Variants in SNTB2 observed in about 807,000 individuals in gnomAD.
The protein encoded by SNTB2 is syntrophin beta 2, also known as beta-2-syntrophin.
SNTB2 carries 34 observed loss-of-function variants against 46.2 expected under a neutral mutation model. That is an observed-to-expected ratio of 0.74 (90% CI 0.56 to 0.98). SNTB2 has a LOEUF of 0.98. SNTB2 is among the 50% of genes least tolerant of loss of function. The pLI, the probability that SNTB2 is intolerant of heterozygous loss-of-function variation, is 0.00. For synonymous variants in SNTB2, 290 were observed against 312.6 expected (o/e 0.93, Z 0.76); for missense variants, 603 against 731.4 (o/e 0.82, Z 2.02).
intron 5 of SNTB2, among the ~76,000 whole-genome samples, chr16:69,294,562 GA>G (rs1252982250): frequency 2.5e-3 from 357 of 140,534 alleles, no homozygotes; most frequent in African/African-American, 4.8e-3. Context: ...TATCTCTACT[GA>G]AAAAAAAAAA....
At chr16:69,212,470 C>T (rs1223156282) in intron 1 of SNTB2, among the ~76,000 whole-genome samples, 1 of 151,986 alleles carries the variant, frequency 6.6e-6, no homozygotes, top group Non-Finnish European at 1.5e-5. Flanking sequence ...TCCCAAGCAG[C>T]TGGGACTACC....
At chr16:69,249,827 A>C (rs2143055651) in intron 2 of SNTB2, among the ~76,000 whole-genome samples, 1 of 152,272 alleles carries the variant, frequency 6.6e-6, no homozygotes, top group Middle Eastern at 3.4e-3. Context: ...GGCCGGGTGC[A>C]GTGGCTAACA....
chr16:69,246,924 G>A (rs1597185792), intron 2 of SNTB2, among the ~76,000 whole-genome samples: 1 of 146,388 alleles, frequency 6.8e-6, no homozygotes, highest in Non-Finnish European at 1.5e-5. Context: ...GGGAGGGATA[G>A]CATTGGGAGA....
intron 1 of SNTB2, among the ~76,000 whole-genome samples, chr16:69,230,023 G>A (rs1964492672): frequency 6.6e-6 from 1 of 152,010 alleles, no homozygotes; most frequent in Admixed American, 6.6e-5. Flanking sequence ...TTGGCCTGAA[G>A]CAGTCCTCCC....
At chr16:69,224,819 T>TAAGTAACAATTTGAAAA in intron 1 of SNTB2, among the ~76,000 whole-genome samples, 1 of 152,250 alleles carries the variant, frequency 6.6e-6, no homozygotes, top group Admixed American at 6.5e-5. Flanking sequence ...CTTATTTTGA[T>TAAGTAACAATTTGAAAA]GCTCAAATTG....
intron 5 of SNTB2, among the ~76,000 whole-genome samples, chr16:69,294,742 A>G (rs1222366136): frequency 1.3e-5 from 2 of 152,040 alleles, no homozygotes; most frequent in African/African-American, 4.8e-5. Context: ...AAAATAAAAT[A>G]AAATAAAAGC....
intron 3 of SNTB2, among the ~76,000 whole-genome samples, chr16:69,265,015 C>G (rs904830266): frequency 2.6e-5 from 4 of 151,998 alleles, no homozygotes; most frequent in African/African-American, 9.7e-5. Flanking sequence ...TTTGGGAGGC[C>G]GAGGCGGGTG....
chr16:69,208,495 C>A (rs1567397434), intron 1 of SNTB2, among the ~76,000 whole-genome samples: 1 of 151,548 alleles, frequency 6.6e-6, no homozygotes, highest in Non-Finnish European at 1.5e-5. Flanking sequence ...TGAGCTTAAA[C>A]CATTTGCTGT....
At chr16:69,300,501 C>T (rs1341941141) in intron 6 of SNTB2, among the ~76,000 whole-genome samples, 1 of 152,132 alleles carries the variant, frequency 6.6e-6, no homozygotes, top group Admixed American at 6.5e-5. Flanking sequence ...CTGCCCGCCT[C>T]AGCCTCCCAA....
At chr16:69,222,536 T>A (rs1964415895) in intron 1 of SNTB2, among the ~76,000 whole-genome samples, 1 of 145,460 alleles carries the variant, frequency 6.9e-6, no homozygotes, top group African/African-American at 2.6e-5. Flanking sequence ...GAGGTTGCAG[T>A]AAGCTGAGAT....
Position 69,308,274 on chromosome 16 carries a change from G to A in SNTB2, c.*7350G>A, listed in dbSNP as rs1475117312. On this transcript the variant is annotated 3_prime_UTR_variant, in exon 7 of 7. Transcript: ENST00000336278. The stretch of plus-strand genomic sequence containing the variant: ...TTCCTTCTATCTGGGTCCTGTTAAA[G>A]CGGGTGTCAGTTGTGTCTTTTCACC... 6.6e-6 allele frequency: 1 copy of A among 152,646 alleles called. No homozygotes were observed. Among genetic ancestry groups the A allele is most frequent in the Non-Finnish European group, 1.5e-5 (1 of 68,042 alleles). 9.5% of individuals were successfully genotyped at this position (152,646 alleles called of 1,614,324 possible). A position where few individuals can be genotyped will look rare whatever the true frequency, so the allele number is the denominator to read the frequency against.
intron 1 of SNTB2, among the ~76,000 whole-genome samples, chr16:69,194,703 C>A (rs1042349608): frequency 6.6e-6 from 1 of 152,060 alleles, no homozygotes; most frequent in African/African-American, 2.4e-5. Flanking sequence ...TTTGGCCAGG[C>A]CTATATCAGG....
intron 4 of SNTB2, among the ~76,000 whole-genome samples, chr16:69,277,769 C>T (rs931891553): frequency 1.2e-4 from 18 of 152,340 alleles, no homozygotes; most frequent in African/African-American, 4.3e-4. Flanking sequence ...GTACATTCCT[C>T]ACCAAATTTT....
At chr16:69,264,892 G>C (rs986350736) in intron 3 of SNTB2, among the ~76,000 whole-genome samples, 1 of 152,114 alleles carries the variant, frequency 6.6e-6, no homozygotes, top group African/African-American at 2.4e-5. Flanking sequence ...GATTCAAGAC[G>C]TTCAAGAATA....
chr16:69,262,097 T>C (rs1044263338), intron 3 of SNTB2, among the ~76,000 whole-genome samples: 9 of 152,202 alleles, frequency 5.9e-5, no homozygotes, highest in African/African-American at 2.2e-4. Context: ...CATGCACCTG[T>C]GTCCTTTCAC....
rs57637291 is a variant in SNTB2 at position 69,279,515 on chromosome 16, C to CTTTTTTTTTTTTTTTTTTTTT, written c.1149-4525_1149-4505dup. 1.1e-4 allele frequency among the ~76,000 whole-genome samples: 8 copies of CTTTTTTTTTTTTTTTTTTTTT among 71,734 alleles called. 2 individuals are homozygous for CTTTTTTTTTTTTTTTTTTTTT. The highest frequency in any genetic ancestry group is 1.3e-4 in the Non-Finnish European group (5 of 39,020). 47.1% of individuals were successfully genotyped at this position (71,734 alleles called of 152,430 possible). A position where few individuals can be genotyped will look rare whatever the true frequency, so the allele number is the denominator to read the frequency against. ...TATACCAAGAAGTGGGTCCTTTGCC[C>CTTTTTTTTTTTTTTTTTTTTT]TTTTTTTTTTTTTTTTTTTTTTTTT... On this transcript the variant is annotated intron_variant, in intron 4 of 6. Coordinates refer to ENST00000336278, the MANE Select transcript of SNTB2 (RefSeq NM_006750.4).
chr16:69,216,972 C>T (rs975449531), intron 1 of SNTB2, among the ~76,000 whole-genome samples: 13 of 152,072 alleles, frequency 8.5e-5, no homozygotes, highest in African/African-American at 2.4e-4. Flanking sequence ...GGCTCAAAAA[C>T]GACCATTTGC....
intron 4 of SNTB2, among the ~76,000 whole-genome samples, chr16:69,279,658 T>TG (rs1965019617): frequency 6.6e-6 from 1 of 150,516 alleles, no homozygotes; most frequent in Non-Finnish European, 1.5e-5. Context: ...CCCGAGCAGC[T>TG]GGGACTACAG....
At chr16:69,190,995 G>A (rs1206819590) in intron 1 of SNTB2, 1 of 152,084 alleles carries the variant, frequency 6.6e-6, no homozygotes, top group Non-Finnish European at 1.5e-5. Flanking sequence ...TATGCCACCA[G>A]TTAACAAAGA....
Sources: gnomAD v4.1 joint callset for allele counts (sites outside exome capture counted in the v4.1 genomes callset) on GRCh38, gnomAD v4.1.1 for gene constraint, MANE v1.5 for transcripts, NCBI Gene and HGNC (gene_info 2026-07-23, HGNC 2026-07-21) for gene names.